ABHD3: variants seen among roughly 807,000 people sequenced by gnomAD.
ABHD3 encodes abhydrolase domain containing 3, phospholipase.
A neutral mutation model predicts 48.8 loss-of-function variants in ABHD3; 46 were observed. The observed-to-expected ratio is 0.94, with a 90% CI of 0.74 to 1.20. ABHD3 has a LOEUF of 1.20. ABHD3 is among the 50% of genes most tolerant of loss of function. The pLI is 0.00. For missense variants in ABHD3, 490 were observed against 497.8 expected (o/e 0.98, Z 0.15); for synonymous variants, 192 against 183.7 (o/e 1.04, Z -0.36).
At chr18:21,703,202 G>A (rs1457536814) in intron 2 of ABHD3, among the ~76,000 whole-genome samples, 1 of 144,440 alleles carries the variant, frequency 6.9e-6, no homozygotes, top group Non-Finnish European at 1.5e-5. Context: ...AAATTAAGTG[G>A]CATCCTTCTC....
At chr18:21,667,998 C>T (rs1462798351) in intron 4 of ABHD3, among the ~76,000 whole-genome samples, 3 of 151,368 alleles carry the variant, frequency 2.0e-5, no homozygotes, top group Non-Finnish European at 2.9e-5. Context: ...GTCAAGAGTT[C>T]GAGACCAGCC....
chr18:21,662,635 A>G (rs1031115237), intron 5 of ABHD3, among the ~76,000 whole-genome samples: 2 of 152,176 alleles, frequency 1.3e-5, no homozygotes, highest in Admixed American at 6.5e-5. Flanking sequence ...TTGCATCTCC[A>G]TAAGAAAAAA....
At chr18:21,657,958 G>T (rs1010745891) in intron 6 of ABHD3, among the ~76,000 whole-genome samples, 16 of 152,104 alleles carry the variant, frequency 1.1e-4, no homozygotes, top group African/African-American at 3.9e-4. Context: ...AGCACTTTGG[G>T]AGGCTGAGGT....
intron 5 of ABHD3, among the ~76,000 whole-genome samples, chr18:21,663,016 T>A (rs531560628): frequency 6.6e-6 from 1 of 152,186 alleles, no homozygotes; most frequent in African/African-American, 2.4e-5. Context: ...AGAGTCTGCG[T>A]GGGTTTTCTC....
Position 21,651,593 on chromosome 18 carries a change from AAG to A in ABHD3, c.1226_1227del (p.Ser409LeufsTer21), listed in dbSNP as rs779855639. 6.2e-7 allele frequency: 1 copy of A among 1,614,056 alleles called. No homozygotes were observed. Among genetic ancestry groups the A allele is most frequent in the South Asian group, 1.1e-5 (1 of 91,068 alleles). ...AAATGCACCCAAAGAACTACATGTT[AAG>A]AGAGTTCATGTCCATGCTCAACCAT... Reference protein sequence around the residue: ...QAMVEHGHELS With the variant: ...QAMVEHGHELX On this transcript the variant is annotated frameshift_variant, in exon 9 of 9. Transcript: ENST00000289119. LOFTEE classifies it high-confidence loss of function.
At chr18:21,655,276 G>A (rs2039318014) in intron 8 of ABHD3, among the ~76,000 whole-genome samples, 1 of 148,274 alleles carries the variant, frequency 6.7e-6, no homozygotes, top group South Asian at 2.1e-4. Context: ...AGGGGAAAGA[G>A]AGAAAAAGTT....
chr18:21,683,266 T>C (rs746858859), intron 4 of ABHD3, among the ~76,000 whole-genome samples: 31 of 152,198 alleles, frequency 2.0e-4, no homozygotes, highest in Admixed American at 7.2e-4. Flanking sequence ...AAAGATCAGA[T>C]AGAGTGATTT....
At chr18:21,671,539 AT>A (rs2039757778) in intron 4 of ABHD3, among the ~76,000 whole-genome samples, 1 of 152,140 alleles carries the variant, frequency 6.6e-6, no homozygotes, top group Non-Finnish European at 1.5e-5. Context: ...ACTGGCAGCT[AT>A]CCTTCTGGTA....
intron 3 of ABHD3, among the ~76,000 whole-genome samples, chr18:21,686,278 C>T (rs756107811): frequency 1.1e-4 from 17 of 152,218 alleles, no homozygotes; most frequent in Non-Finnish European, 2.5e-4. Context: ...TTTGTATTTA[C>T]TTGCATAAGC....
chr18:21,672,068 A>T (rs2039769265), intron 4 of ABHD3, among the ~76,000 whole-genome samples: 1 of 152,210 alleles, frequency 6.6e-6, no homozygotes, highest in South Asian at 2.1e-4. Context: ...TTACCTATGG[A>T]CTACATCTAA....
chr18:21,663,669 A>C (rs2039552833), intron 5 of ABHD3: 1 of 1,535,378 alleles, frequency 6.5e-7, no homozygotes, highest in Non-Finnish European at 8.7e-7. Flanking sequence ...AAACAAAACA[A>C]AATACCACCT....
intron 4 of ABHD3, among the ~76,000 whole-genome samples, chr18:21,676,267 TTA>T (rs1477847491): frequency 2.0e-5 from 3 of 152,312 alleles, no homozygotes; most frequent in Non-Finnish European, 4.4e-5. Flanking sequence ...GGTAAATCAT[TTA>T]CTCATTTAAA....
intron 3 of ABHD3, among the ~76,000 whole-genome samples, chr18:21,696,086 C>T (rs2040363621): frequency 6.7e-6 from 1 of 149,708 alleles, no homozygotes; most frequent in African/African-American, 2.4e-5. Flanking sequence ...AATAATGGCT[C>T]TCAATTTTAA....
intron 1 of ABHD3, 105 bp from the exon 2 acceptor site, chr18:21,703,852 T>C: frequency 7.8e-7 from 1 of 1,280,620 alleles, no homozygotes; most frequent in South Asian, 1.4e-5. Context: ...CTTCCTCCGA[T>C]TACAACTCTT....
Position 21,683,953 on chromosome 18 carries a change from A to G in ABHD3, c.522T>C (p.Phe174=). The G allele has an allele frequency of 6.2e-7, 1 of 1,600,988 alleles. No homozygotes were observed. The highest frequency in any genetic ancestry group is 8.5e-7 in the Non-Finnish European group (1 of 1,172,964). ...SEELGYRCVV[F]NNRGVAGENL... ...TCTCCCCCGCCACTCCTCTGTTGTTAAAAACCACACATCTAAAAACCAGGA... is the reference window on the plus strand; with the variant it reads ...TCTCCCCCGCCACTCCTCTGTTGTTGAAAACCACACATCTAAAAACCAGGA... Residue 174 remains phenylalanine, a synonymous_variant, in exon 4 of 9, where the codon TTT becomes TTC. Coordinates refer to ENST00000289119, the MANE Select transcript of ABHD3 (RefSeq NM_138340.5).
chr18:21,670,563 G>A (rs1286415341), intron 4 of ABHD3, among the ~76,000 whole-genome samples: 2 of 152,136 alleles, frequency 1.3e-5, no homozygotes, highest in Admixed American at 1.3e-4. Flanking sequence ...AATCCTTCCA[G>A]CTCTGTATTT....
At chr18:21,704,299 G>A (rs2040585479) in intron 1 of ABHD3, among the ~76,000 whole-genome samples, 1 of 152,172 alleles carries the variant, frequency 6.6e-6, no homozygotes, top group African/African-American at 2.4e-5. Context: ...TGCGCTCCGA[G>A]GACCACCCGG....
At chr18:21,671,104 C>G (rs926292345) in intron 4 of ABHD3, among the ~76,000 whole-genome samples, 1 of 152,168 alleles carries the variant, frequency 6.6e-6, no homozygotes, top group Non-Finnish European at 1.5e-5. Context: ...TTGCCCTGTC[C>G]AGCCTGCTCC....
At chr18:21,681,863 G>A (rs1207135073) in intron 4 of ABHD3, among the ~76,000 whole-genome samples, 1 of 152,172 alleles carries the variant, frequency 6.6e-6, no homozygotes, top group Non-Finnish European at 1.5e-5. Flanking sequence ...GGGGCCAGGT[G>A]CAGTGGCTCA....
Sources: gnomAD v4.1 joint callset for allele counts (sites outside exome capture counted in the v4.1 genomes callset) on GRCh38, gnomAD v4.1.1 for gene constraint, MANE v1.5 for transcripts, NCBI Gene and HGNC (gene_info 2026-07-23, HGNC 2026-07-21) for gene names.